The following UBE2B variants were observed in gnomAD, a reference collection of about 807,000 sequenced individuals.
The protein encoded by UBE2B is ubiquitin conjugating enzyme E2 B.
In UBE2B, 11 loss-of-function variants were observed where a neutral mutation model predicts 24.6. The ratio of observed to expected loss-of-function variants is 0.45; its 90% confidence interval spans 0.28 to 0.74. The LOEUF (loss-of-function observed/expected upper bound fraction) is 0.74, where lower values mean the gene tolerates loss of function less well. Among genes scored for constraint, UBE2B ranks in the 30% least tolerant of loss-of-function variants. The pLI, the probability that UBE2B is intolerant of heterozygous loss-of-function variation, is 0.13. For synonymous variants in UBE2B, 68 were observed against 62.4 expected (o/e 1.09, Z -0.42); for missense variants, 78 against 185.6 (o/e 0.42, Z 3.37).
At chr5:134,383,347 T>C (rs1029644208) in intron 4 of UBE2B, among the ~76,000 whole-genome samples, 1 of 152,074 alleles carries the variant, frequency 6.6e-6, no homozygotes, top group African/African-American at 2.4e-5. Context: ...ACTTGCTGTG[T>C]CACACAGGCT....
At chr5:134,375,779 G>A (rs935328271) in intron 2 of UBE2B, among the ~76,000 whole-genome samples, 6 of 120,544 alleles carry the variant, frequency 5.0e-5, no homozygotes, top group East Asian at 2.7e-4. Flanking sequence ...CAGCCTGGGC[G>A]ACAGCGAGAC....
At chr5:134,373,419 C>G (rs561820620) in intron 1 of UBE2B, among the ~76,000 whole-genome samples, 1 of 151,478 alleles carries the variant, frequency 6.6e-6, no homozygotes, top group East Asian at 1.9e-4. Context: ...ATATTACTTG[C>G]TTTTGAGGTT....
chr5:134,374,947 A>AG (rs1204253251), intron 2 of UBE2B, among the ~76,000 whole-genome samples: 1 of 144,658 alleles, frequency 6.9e-6, no homozygotes. Context: ...ATCCTGTATC[A>AG]AAAAAAAAAA....
chr5:134,386,519 C>T lies in UBE2B; in HGVS notation c.242-1806C>T, dbSNP rs529744201. Among the ~76,000 whole-genome samples, 8 of 152,072 alleles carry T rather than the reference C, an allele frequency of 5.3e-5. No homozygotes were observed. In the East Asian group the frequency reaches 1.5e-3, roughly 29 times the overall value. On this transcript the variant is annotated intron_variant, in intron 4 of 5. Coordinates refer to ENST00000265339, the MANE Select transcript of UBE2B (RefSeq NM_003337.4). ...TGGTGGTGGGCACCTGTAATCCCAACTACGTGGGAGGCTGAGGCAGCAGAA... is the reference window on the plus strand; with the variant it reads ...TGGTGGTGGGCACCTGTAATCCCAATTACGTGGGAGGCTGAGGCAGCAGAA...
chr5:134,388,246 A>G (rs540562080), intron 4 of UBE2B, 79 bp from the exon 5 acceptor site: 6 of 1,224,550 alleles, frequency 4.9e-6, no homozygotes, highest in Admixed American at 3.4e-5. Context: ...TTCTAAGCCA[A>G]GCATTCTGTT....
At chr5:134,372,620 T>A (rs1173773256) in intron 1 of UBE2B, among the ~76,000 whole-genome samples, 1 of 152,178 alleles carries the variant, frequency 6.6e-6, no homozygotes, top group Non-Finnish European at 1.5e-5. Context: ...TCTCAGCTAT[T>A]ATAAAGCCTA....
chr5:134,374,095 C>A (rs975062526), intron 1 of UBE2B, among the ~76,000 whole-genome samples: 13 of 152,056 alleles, frequency 8.5e-5, no homozygotes, highest in Non-Finnish European at 1.6e-4. Flanking sequence ...GTTTACAGTC[C>A]CACCAACAGT....
At chr5:134,375,792 C>T (rs1243346759) in intron 2 of UBE2B, among the ~76,000 whole-genome samples, 2 of 108,832 alleles carry the variant, frequency 1.8e-5, no homozygotes, top group South Asian at 3.2e-4. Context: ...AGCGAGACTC[C>T]GTCTCAAAAA....
At chr5:134,380,946 T>G in intron 4 of UBE2B, 138 bp downstream of exon 4, 1 of 551,018 alleles carries the variant, frequency 1.8e-6, no homozygotes, top group South Asian at 2.2e-5. Context: ...GCCACGTATT[T>G]TGTTGTGGAT....
chr5:134,381,715 G>A (rs1758712786), intron 4 of UBE2B, among the ~76,000 whole-genome samples: 1 of 152,134 alleles, frequency 6.6e-6, no homozygotes, highest in African/African-American at 2.4e-5. Context: ...AGGCCAAGGT[G>A]GGCGGATCAC....
At chr5:134,387,102 C>A (rs563026789) in intron 4 of UBE2B, among the ~76,000 whole-genome samples, 1 of 151,930 alleles carries the variant, frequency 6.6e-6, no homozygotes, top group Non-Finnish European at 1.5e-5. Context: ...TGGGACTACA[C>A]GCATGCACTA....
chr5:134,371,696 G>T, intron 1 of UBE2B, 57 bp downstream of exon 1: 2 of 1,609,902 alleles, frequency 1.2e-6, no homozygotes, highest in Admixed American at 1.7e-5. Context: ...GGGCTGCAGG[G>T]CGTGGATCCC....
intron 3 of UBE2B, among the ~76,000 whole-genome samples, chr5:134,378,616 A>G (rs1164315984): frequency 6.6e-6 from 1 of 152,186 alleles, no homozygotes; most frequent in Non-Finnish European, 1.5e-5. Context: ...GCACTTCTGC[A>G]TGTCATAGTA....
rs1190025064 is a variant in UBE2B at position 134,376,348 on chromosome 5, A to AATATATAT, written c.126-311_126-304dup. On this transcript the variant is annotated intron_variant, in intron 2 of 5. Transcript: ENST00000265339. ...AAAAAAAAAAAAAAAAAAAAAAAAA[A>AATATATAT]ATATATATATATATATACACATATG... Among the ~76,000 whole-genome samples, 15 of 4,770 alleles carry AATATATAT rather than the reference A, an allele frequency of 3.1e-3. 2 individuals are homozygous for AATATATAT. The highest frequency in any genetic ancestry group is 8.1e-3 in the East Asian group (1 of 124). The allele number at this position is 4,770 out of a possible 152,430, so 3.1% of individuals were successfully genotyped here.
chr5:134,383,473 C>CTTTTTTTTTT (rs747399191), intron 4 of UBE2B, among the ~76,000 whole-genome samples: 3 of 80,036 alleles, frequency 3.7e-5, no homozygotes, highest in African/African-American at 1.1e-4. Flanking sequence ...CCATACCCAG[C>CTTTTTTTTTT]TTTTTTTTTT....
At position 134,387,499 on chromosome 5, in the gene UBE2B, A is replaced by G. The variant is rs993705082; in HGVS notation, c.242-826A>G. 2.6e-5 allele frequency among the ~76,000 whole-genome samples: 4 copies of G among 152,226 alleles called. No individual in the cohort carries two copies. The South Asian group carries it at 6.2e-4, about 24-fold the overall frequency. ...CTGTCTTAGTTCATTTTCTGCTACAACAGAATAGCAGGGACTGATAATTTG... is the reference window on the plus strand; with the variant it reads ...CTGTCTTAGTTCATTTTCTGCTACAGCAGAATAGCAGGGACTGATAATTTG... On this transcript the variant is annotated intron_variant, in intron 4 of 5. Coordinates refer to ENST00000265339, the MANE Select transcript of UBE2B (RefSeq NM_003337.4).
In UBE2B at chr5:134,391,538, G is replaced by A. The variant is rs1758896359; in HGVS notation, c.*1185G>A. 1 of 152,660 alleles carries A rather than the reference G, an allele frequency of 6.6e-6. No individual in the cohort carries two copies. The highest frequency in any genetic ancestry group is 2.1e-4 in the South Asian group (1 of 4,830). The allele number at this position is 152,660 out of a possible 1,614,324, so 9.5% of individuals were successfully genotyped here. The stretch of plus-strand genomic sequence containing the variant: ...AAGTAAATTCTGTTGAACCACCTGT[G>A]TAGTCTCTCTAGTAGTTAAAACAGC... On this transcript the variant is annotated 3_prime_UTR_variant, in exon 6 of 6. Coordinates refer to ENST00000265339, the MANE Select transcript of UBE2B (RefSeq NM_003337.4).
At chr5:134,375,674 C>T (rs1758585475) in intron 2 of UBE2B, among the ~76,000 whole-genome samples, 1 of 151,930 alleles carries the variant, frequency 6.6e-6, no homozygotes, top group Non-Finnish European at 1.5e-5. Flanking sequence ...TGGCGGGCGC[C>T]TGTAGTCCCA....
intron 5 of UBE2B, chr5:134,389,777 C>T: frequency 5.2e-6 from 1 of 192,174 alleles, no homozygotes; most frequent in East Asian, 1.3e-4. Flanking sequence ...GAACTCCCTA[C>T]CTCAGGTGAT....
Sources: allele counts gnomAD v4.1 joint callset (sites outside exome capture counted in the v4.1 genomes callset), GRCh38; gene constraint gnomAD v4.1.1; transcripts MANE v1.5; gene names NCBI Gene and HGNC (gene_info 2026-07-23, HGNC 2026-07-21).